NDUFS5: variants seen among roughly 807,000 people sequenced by gnomAD.
NDUFS5 encodes the protein NADH:ubiquinone oxidoreductase subunit S5, also known as NADH dehydrogenase [ubiquinone] iron-sulfur protein 5.
A neutral mutation model predicts 10.5 loss-of-function variants in NDUFS5; 7 were observed. The observed-to-expected ratio is 0.66, with a 90% confidence interval of 0.38 to 1.25. The LOEUF is 1.25. Ranked by LOEUF, NDUFS5 falls within the 50% of genes most tolerant of loss-of-function variation. The pLI, the probability that NDUFS5 is intolerant of heterozygous loss-of-function variation, is 0.02. For synonymous variants in NDUFS5, 38 were observed against 44.0 expected (o/e 0.86, Z 0.54); for missense variants, 148 against 140.7 (o/e 1.05, Z -0.26).
At chr1:39,027,946 T>C (rs12567986) in intron 1 of NDUFS5, among the ~76,000 whole-genome samples, 43,174 of 146,876 alleles carry the variant, frequency 0.29, 6,414 homozygotes, top group African/African-American at 0.32. Flanking sequence ...GCCTCCCGAA[T>C]AGTTGGGATT....
rs1260071205 is a variant in NDUFS5, at chr1:39,034,548, A to C, written c.*52A>C. The C allele has an allele frequency of 2.7e-6, 4 of 1,503,756 alleles. No individual in the cohort carries two copies. In the South Asian group the frequency reaches 4.5e-5, roughly 17 times the overall value. The allele number at this position is 1,503,756 out of a possible 1,614,324, so 93.2% of individuals were successfully genotyped here. A position where few individuals can be genotyped will look rare whatever the true frequency, so the allele number is the denominator to read the frequency against. On this transcript the variant is annotated 3_prime_UTR_variant, in exon 3 of 3. Coordinates refer to ENST00000372969, the MANE Select transcript of NDUFS5 (RefSeq NM_004552.3). Reference sequence around the variant, plus strand: ...CTGATTTTCCTGTTCTCTGTTCTCCACTGGAAAGGTTGTTTACGACAAACC... The same window carrying C: ...CTGATTTTCCTGTTCTCTGTTCTCCCCTGGAAAGGTTGTTTACGACAAACC...
chr1:39,029,852 GGAGGCT>G (rs1236016256), intron 2 of NDUFS5, among the ~76,000 whole-genome samples: 1 of 152,278 alleles, frequency 6.6e-6, no homozygotes, highest in East Asian at 1.9e-4. Flanking sequence ...CAGGACTTTG[GGAGGCT>G]GAGGCGGGTG....
chr1:39,030,383 C>T (rs569088432), intron 2 of NDUFS5, among the ~76,000 whole-genome samples: 6 of 145,288 alleles, frequency 4.1e-5, no homozygotes, highest in Admixed American at 7.2e-5. Context: ...CCAGCCTGGG[C>T]GACAGAGCGA....
chr1:39,029,308 C>T (rs921462111), intron 2 of NDUFS5, among the ~76,000 whole-genome samples: 1 of 151,876 alleles, frequency 6.6e-6, no homozygotes, highest in Non-Finnish European at 1.5e-5. Context: ...TGGGATTACT[C>T]TTAAGTGTTT....
chr1:39,026,557 A>G (rs1483025048), intron 1 of NDUFS5, among the ~76,000 whole-genome samples, 155 bp downstream of exon 1: 1 of 152,110 alleles, frequency 6.6e-6, no homozygotes, highest in Non-Finnish European at 1.5e-5. Context: ...TCACCTCCAC[A>G]GCTAATGGCA....
chr1:39,028,918 A>G lies in NDUFS5; in HGVS notation c.194A>G (p.Glu65Gly). The change falls in exon 2 of 3, where the codon GAG becomes GGG. Residue 65 changes from glutamate (E) to glycine (G), a missense_variant. By Grantham distance (98) the Glu-to-Gly change is moderately conservative. Transcript: ENST00000372969. ...AAGATAGAATATGATGATTTCGTAGAGTGTTTGCTTCGGCAGAAAACGGTA... is the reference window on the plus strand; with the variant it reads ...AAGATAGAATATGATGATTTCGTAGGGTGTTTGCTTCGGCAGAAAACGGTA... ...ECKIEYDDFVECLLRQKTMRR... is the reference protein window; with the variant it reads ...ECKIEYDDFVGCLLRQKTMRR... 1.2e-6 allele frequency: 2 copies of G among 1,613,152 alleles called. No homozygotes were observed. Among genetic ancestry groups the G allele is most frequent in the Non-Finnish European group, 1.7e-6 (2 of 1,179,626 alleles).
chr1:39,034,376 C>G lies in NDUFS5; in HGVS notation c.217-16C>G. On this transcript the variant is annotated splice_polypyrimidine_tract_variant and intron_variant, in intron 2 of 2. Coordinates refer to ENST00000372969, the MANE Select transcript of NDUFS5 (RefSeq NM_004552.3). ...ATATCTCCTCCCTCAGTTTAATTAC[C>G]ATTTTCCTTTGACAGATGAGACGTG... The G allele has an allele frequency of 3.1e-6, 5 of 1,610,856 alleles. No homozygotes were observed. The highest frequency in any genetic ancestry group is 4.2e-6 in the Non-Finnish European group (5 of 1,177,794).
At chr1:39,027,327 C>T (rs1644156499) in intron 1 of NDUFS5, among the ~76,000 whole-genome samples, 1 of 152,154 alleles carries the variant, frequency 6.6e-6, no homozygotes, top group Admixed American at 6.6e-5. Context: ...CCGCCTCGGC[C>T]TCCCAAGGTG....
chr1:39,028,995 T>TC, intron 2 of NDUFS5, 55 bp downstream of exon 2: 1 of 436,070 alleles, frequency 2.3e-6, no homozygotes, highest in Non-Finnish European at 2.9e-6. Context: ...TTTGGGACTC[T>TC]TTTTTTTTTT....
chr1:39,030,767 C>T (rs900145641), intron 2 of NDUFS5, among the ~76,000 whole-genome samples: 2 of 151,448 alleles, frequency 1.3e-5, no homozygotes, highest in Non-Finnish European at 2.9e-5. Context: ...TAAATTGATA[C>T]CAACAGGAGG....
Position 39,028,765 on chromosome 1 carries a change from T to C in NDUFS5, c.41T>C (p.Ile14Thr), listed in dbSNP as rs1168549438. The change falls in exon 2 of 3, where the codon ATA becomes ACA. Residue 14 changes from isoleucine (I) to threonine (T), a missense_variant. Transcript: ENST00000372969. ...LDIQKRFGLNIDRWLTIQSGE... is the reference protein window; with the variant it reads ...LDIQKRFGLNTDRWLTIQSGE... ...ATCCAGAAAAGGTTCGGCCTTAACATAGATCGATGGTTGACAATCCAGAGT... is the reference window on the plus strand; with the variant it reads ...ATCCAGAAAAGGTTCGGCCTTAACACAGATCGATGGTTGACAATCCAGAGT... 6.2e-7 allele frequency: 1 copy of C among 1,614,130 alleles called. No homozygotes were observed. The highest frequency in any genetic ancestry group is 1.1e-5 in the South Asian group (1 of 91,078).
intron 2 of NDUFS5, among the ~76,000 whole-genome samples, chr1:39,033,889 C>T (rs1322726698): frequency 6.6e-6 from 1 of 151,806 alleles, no homozygotes; most frequent in Non-Finnish European, 1.5e-5. Flanking sequence ...CAACCTCCGC[C>T]TCCCAAGTTC....
chr1:39,028,699 A>AT (rs1382630453), intron 1 of NDUFS5, 24 bp from the exon 2 acceptor site: 18 of 1,607,114 alleles, frequency 1.1e-5, no homozygotes, highest in Non-Finnish European at 1.5e-5. Context: ...TTATTTACTT[A>AT]TTTTTTTAAA....
chr1:39,026,974 G>A (rs1644153131), intron 1 of NDUFS5, among the ~76,000 whole-genome samples: 1 of 152,224 alleles, frequency 6.6e-6, no homozygotes, highest in Non-Finnish European at 1.5e-5. Flanking sequence ...TGTCTCTGGT[G>A]CTTACGTTGG....
In NDUFS5 at chr1:39,034,425, G is replaced by A; in HGVS notation, c.250G>A (p.Asp84Asn). The change falls in exon 3 of 3, where the codon GAT becomes AAT. Residue 84 changes from aspartate (D) to asparagine (N), a missense_variant. Physicochemically the swap from Asp to Asn is conservative, Grantham distance 23 (BLOSUM62 1). Transcript: ENST00000372969. Reference protein sequence around the residue: ...RRAGTIRKQRDKLIKEGKYTP... With the variant: ...RRAGTIRKQRNKLIKEGKYTP... ...TGCAGGTACCATCAGGAAGCAGCGG[G>A]ATAAGCTGATAAAGGAAGGAAAGTA... The A allele has an allele frequency of 1.2e-6, 2 of 1,613,648 alleles. No individual in the cohort carries two copies. The highest frequency in any genetic ancestry group is 1.7e-6 in the Non-Finnish European group (2 of 1,179,728).
chr1:39,028,924 T>C lies in NDUFS5; in HGVS notation c.200T>C (p.Leu67Ser). ...KIEYDDFVECLLRQKTMRRAG... is the reference protein window; with the variant it reads ...KIEYDDFVECSLRQKTMRRAG... ...GAATATGATGATTTCGTAGAGTGTT[T>C]GCTTCGGCAGAAAACGGTAAGGAAA... The change falls in exon 2 of 3, where the codon TTG becomes TCG. Residue 67 changes from leucine to serine, a missense_variant. Coordinates refer to ENST00000372969, the MANE Select transcript of NDUFS5 (RefSeq NM_004552.3). 2.5e-6 allele frequency: 4 copies of C among 1,613,736 alleles called. No individual in the cohort carries two copies. The highest frequency in any genetic ancestry group is 3.4e-6 in the Non-Finnish European group (4 of 1,179,884).
intron 2 of NDUFS5, among the ~76,000 whole-genome samples, chr1:39,033,883 C>A (rs988052590): frequency 6.6e-6 from 1 of 151,652 alleles, no homozygotes; most frequent in African/African-American, 2.4e-5. Flanking sequence ...TCACTGCAAC[C>A]TCCGCCTCCC....
intron 2 of NDUFS5, among the ~76,000 whole-genome samples, chr1:39,030,153 C>G (rs1304801590): frequency 6.6e-6 from 1 of 151,052 alleles, no homozygotes; most frequent in African/African-American, 2.4e-5. Flanking sequence ...GCCTGTGATC[C>G]CAGCACTTTG....
At chr1:39,031,202 T>C (rs1188081848) in intron 2 of NDUFS5, among the ~76,000 whole-genome samples, 2 of 151,850 alleles carry the variant, frequency 1.3e-5, no homozygotes, top group African/African-American at 4.8e-5. Flanking sequence ...AAAATAGAAA[T>C]GGGGTCTTCT....
Sources: gnomAD v4.1 joint callset for allele counts (sites outside exome capture counted in the v4.1 genomes callset) on GRCh38, gnomAD v4.1.1 for gene constraint, MANE v1.5 for transcripts, NCBI Gene and HGNC (gene_info 2026-07-23, HGNC 2026-07-21) for gene names.